Variants in PHC2 observed in about 807,000 individuals in gnomAD.
The protein encoded by PHC2 is polyhomeotic homolog 2.
In PHC2, 29 loss-of-function variants were observed where a neutral mutation model predicts 87.4. The observed-to-expected ratio is 0.33, with a 90% confidence interval of 0.25 to 0.45. PHC2 has a LOEUF of 0.45. PHC2 is among the 20% of genes least tolerant of loss of function. The pLI is 1.00. For missense variants in PHC2, 857 were observed against 1,136.7 expected, an observed-to-expected ratio of 0.75 and a Z score of 3.54; for synonymous variants, 438 against 461.7, an observed-to-expected ratio of 0.95 and a Z score of 0.66.
chr1:33,390,561 A>T (rs1368787922), intron 1 of PHC2, among the ~76,000 whole-genome samples: 1 of 152,178 alleles, frequency 6.6e-6, no homozygotes, highest in Non-Finnish European at 1.5e-5. Context: ...TATTTATTGA[A>T]CAATTACTAT....
In PHC2 at chr1:33,334,327, A is replaced by G; in HGVS notation, c.1559-35T>C. 1 of 1,592,760 alleles carries G rather than the reference A, an allele frequency of 6.3e-7. No homozygotes were observed. Among genetic ancestry groups the G allele is most frequent in the Non-Finnish European group, 8.6e-7 (1 of 1,162,626 alleles). ...AGAGAGTAGGAAAACAAAGCAGGGG[A>G]GATCAGAACCAGAGTCCACGCCCAG... On this transcript the variant is annotated intron_variant, in intron 9 of 14. Coordinates refer to ENST00000683057, the MANE Select transcript of PHC2 (RefSeq NM_001385109.1). The surrounding 1 kb of genome is among the most constrained non-coding windows in gnomAD (Gnocchi z 5.5).
intron 14 of PHC2, among the ~76,000 whole-genome samples, chr1:33,327,667 T>C (rs1054534342): frequency 6.6e-6 from 1 of 152,252 alleles, no homozygotes; most frequent in African/African-American, 2.4e-5. Context: ...CTTGCACTCC[T>C]GGATCCCTAC....
chr1:33,349,342 G>T lies in PHC2; in HGVS notation c.1558+5059C>A. On this transcript the variant is annotated intron_variant, in intron 9 of 14. Coordinates refer to ENST00000683057, the MANE Select transcript of PHC2 (RefSeq NM_001385109.1). The surrounding 1 kb of genome is among the most constrained non-coding windows in gnomAD (Gnocchi z 4.2). ...TGGGGTGGGGTGTGCGGGGCCTGGG[G>T]ACGCGGAAGCTGCGGCGCGCCGAGG... 4 of 985,428 alleles carry T rather than the reference G, an allele frequency of 4.1e-6. No individual in the cohort carries two copies. Among genetic ancestry groups the T allele is most frequent in the Non-Finnish European group, 4.8e-6 (4 of 829,944 alleles). 61.0% of individuals were successfully genotyped at this position (985,428 alleles called of 1,614,324 possible).
At chr1:33,356,439 GCCTT>G (rs974734391) in intron 7 of PHC2, among the ~76,000 whole-genome samples, 2 of 150,516 alleles carry the variant, frequency 1.3e-5, no homozygotes, top group African/African-American at 4.9e-5. Context: ...GGACCCTGCG[GCCTT>G]CCGCAGTGTT....
At chr1:33,406,425 C>T (rs529870588) in intron 1 of PHC2, among the ~76,000 whole-genome samples, 4 of 152,012 alleles carry the variant, frequency 2.6e-5, no homozygotes, top group Non-Finnish European at 4.4e-5. Context: ...GTGTGTGTGG[C>T]GGGGGGTGCA....
At chr1:33,379,038 CTG>C (rs1648323277) in intron 1 of PHC2, among the ~76,000 whole-genome samples, 1 of 151,900 alleles carries the variant, frequency 6.6e-6, no homozygotes, top group African/African-American at 2.4e-5. Flanking sequence ...AGGGCAGACA[CTG>C]TGGAGAGTGT....
At chr1:33,387,832 G>A (rs980218851) in intron 1 of PHC2, among the ~76,000 whole-genome samples, 2 of 152,202 alleles carry the variant, frequency 1.3e-5, no homozygotes, top group African/African-American at 4.8e-5. Flanking sequence ...CTGTTTACTA[G>A]CCTATCTCAC....
At position 33,349,292 on chromosome 1, in the gene PHC2, G is replaced by A. The variant is rs2148260810; in HGVS notation, c.1558+5109C>T. 4.1e-6 allele frequency: 4 copies of A among 985,422 alleles called. No homozygotes were observed. The highest frequency in any genetic ancestry group is 4.8e-6 in the Non-Finnish European group (4 of 829,934). The allele number at this position is 985,422 out of a possible 1,614,324, so 61.0% of individuals were successfully genotyped here. A position where few individuals can be genotyped will look rare whatever the true frequency, so the allele number is the denominator to read the frequency against. ...TCCGTCCCAGGGAAGTCGCAGCGGC[G>A]GGGAGGCCGGTCCTAGGTTGGGGCT... On this transcript the variant is annotated intron_variant, in intron 9 of 14. Coordinates refer to ENST00000683057, the MANE Select transcript of PHC2 (RefSeq NM_001385109.1). This position sits in a 1 kb window ranked among gnomAD's most constrained non-coding sequence, Gnocchi z 4.2.
At position 33,324,367 on chromosome 1, in the gene PHC2, G is replaced by A. The variant is rs1130800; in HGVS notation, c.*498C>T. ...CTCTCTCCACCTGCAGAGGGTGTAG[G>A]GGGGAGAACCCTGGCTGCTGCAGAA... On this transcript the variant is annotated 3_prime_UTR_variant, in exon 15 of 15. Coordinates refer to ENST00000683057, the MANE Select transcript of PHC2 (RefSeq NM_001385109.1). 2 of 153,396 alleles carry A rather than the reference G, an allele frequency of 1.3e-5. No homozygotes were observed. Among genetic ancestry groups the A allele is most frequent in the African/African-American group, 4.8e-5 (2 of 41,454 alleles). 9.5% of individuals were successfully genotyped at this position (153,396 alleles called of 1,614,324 possible). A position where few individuals can be genotyped will look rare whatever the true frequency, so the allele number is the denominator to read the frequency against.
At chr1:33,416,584 G>GAAAAAAAAAAAAA (rs61591207) in intron 1 of PHC2, among the ~76,000 whole-genome samples, 5 of 115,824 alleles carry the variant, frequency 4.3e-5, no homozygotes, top group Middle Eastern at 5.1e-3. Flanking sequence ...TCAAAAAAAA[G>GAAAAAAAAAAAAA]AAAAAAAAAA....
intron 1 of PHC2, among the ~76,000 whole-genome samples, chr1:33,412,184 C>G (rs1468287878): frequency 6.6e-6 from 1 of 152,038 alleles, no homozygotes; most frequent in African/African-American, 2.4e-5. Context: ...GTAAAAAATC[C>G]TAAGGAATCC....
At chr1:33,335,532 T>C (rs1407536653) in intron 9 of PHC2, among the ~76,000 whole-genome samples, 1 of 152,252 alleles carries the variant, frequency 6.6e-6, no homozygotes, top group Non-Finnish European at 1.5e-5. Flanking sequence ...TAAAGATCCA[T>C]AATACCACCA....
rs1172246029 is a variant in PHC2, at chr1:33,332,892, G to A, written c.1762-488C>T. Among the ~76,000 whole-genome samples, 1 of 152,154 alleles carries A rather than the reference G, an allele frequency of 6.6e-6. No homozygotes were observed. The highest frequency in any genetic ancestry group is 2.4e-5 in the African/African-American group (1 of 41,442). On this transcript the variant is annotated intron_variant, in intron 10 of 14. Transcript: ENST00000683057. The surrounding 1 kb of genome is among the most constrained non-coding windows in gnomAD (Gnocchi z 4.2). ...GTACAGGCCGCCACAGAGTATAGCA[G>A]GAAAAAACAGACCCTGGGCCACAGA...
chr1:33,348,044 C>T (rs1190537746), intron 9 of PHC2, among the ~76,000 whole-genome samples: 1 of 152,200 alleles, frequency 6.6e-6, no homozygotes, highest in Non-Finnish European at 1.5e-5. Context: ...AGTACTTTAC[C>T]TAAAATGGGA....
At chr1:33,428,053 A>G (rs553673457) in intron 1 of PHC2, among the ~76,000 whole-genome samples, 124 of 152,312 alleles carry the variant, frequency 8.1e-4, no homozygotes, top group South Asian at 1.9e-3. Flanking sequence ...TAAGCATCTC[A>G]AAAAGGTACT....
intron 4 of PHC2, 46 bp from the exon 5 acceptor site, chr1:33,370,631 T>A: frequency 1.9e-6 from 3 of 1,553,394 alleles, no homozygotes; most frequent in Non-Finnish European, 8.8e-7. Flanking sequence ...GTTCTGTTGG[T>A]GAGCTGTGTC....
chr1:33,396,995 G>A (rs1047941285), intron 1 of PHC2, among the ~76,000 whole-genome samples: 19 of 152,338 alleles, frequency 1.2e-4, no homozygotes, highest in African/African-American at 4.6e-4. Flanking sequence ...TCTGGAATCA[G>A]ATGGTCTGTG....
intron 9 of PHC2, chr1:33,347,418 A>G: frequency 1.0e-6 from 1 of 985,344 alleles, no homozygotes; most frequent in African/African-American, 1.7e-5. Flanking sequence ...GGAAGAGTAA[A>G]TAATATATAT....
At chr1:33,402,548 A>G (rs768849891) in intron 1 of PHC2, among the ~76,000 whole-genome samples, 6 of 152,218 alleles carry the variant, frequency 3.9e-5, no homozygotes, top group Non-Finnish European at 8.8e-5. Flanking sequence ...GAAATGACCC[A>G]AATACCAATC....
Sources: gnomAD v4.1 joint callset for allele counts (sites outside exome capture counted in the v4.1 genomes callset) on GRCh38, gnomAD v4.1.1 for gene constraint, Gnocchi (gnomAD v3.1) non-coding constraint, MANE v1.5 for transcripts, NCBI Gene and HGNC (gene_info 2026-07-23, HGNC 2026-07-21) for gene names.